Variants in IDE observed in about 807,000 individuals in gnomAD.
IDE encodes insulin-degrading enzyme.
A neutral mutation model predicts 133.2 loss-of-function variants in IDE; 58 were observed. The observed-to-expected ratio is 0.44, with a 90% CI of 0.35 to 0.54. IDE has a LOEUF of 0.54. Among genes scored for constraint, IDE ranks in the 20% least tolerant of loss-of-function variants. The probability of loss-of-function intolerance (pLI) is 0.00; values close to 1 mark genes in which losing one functional copy is unlikely to be tolerated. For synonymous variants in IDE, 396 were observed against 421.3 expected (o/e 0.94, Z 0.73); for missense variants, 981 against 1,234.0 (o/e 0.79, Z 3.07).
At chr10:92,523,193 C>A (rs1447846683) in intron 4 of IDE, among the ~76,000 whole-genome samples, 1 of 151,928 alleles carries the variant, frequency 6.6e-6, no homozygotes, top group South Asian at 2.1e-4. Flanking sequence ...CTAGCCTGGG[C>A]GACATGGTGA....
intron 5 of IDE, among the ~76,000 whole-genome samples, chr10:92,510,524 T>C (rs1848524975): frequency 6.6e-6 from 1 of 152,100 alleles, no homozygotes; most frequent in Non-Finnish European, 1.5e-5. Flanking sequence ...TTATCTTTTG[T>C]GCCTTTAAAT....
chr10:92,513,347 C>A (rs1250581229), intron 5 of IDE, among the ~76,000 whole-genome samples: 1 of 152,182 alleles, frequency 6.6e-6, no homozygotes, highest in African/African-American at 2.4e-5. Context: ...TGCCCGCCAC[C>A]ATGCCCGGTT....
At chr10:92,525,148 G>A (rs1356499176) in intron 4 of IDE, among the ~76,000 whole-genome samples, 1 of 151,914 alleles carries the variant, frequency 6.6e-6, no homozygotes, top group African/African-American at 2.4e-5. Context: ...AGCTACTGGG[G>A]AGGCTGAGGC....
chr10:92,481,667 A>T (rs1846618707), intron 14 of IDE, among the ~76,000 whole-genome samples: 1 of 152,232 alleles, frequency 6.6e-6, no homozygotes, highest in Non-Finnish European at 1.5e-5. Context: ...TTCTGAAAAG[A>T]TGGAAAGGAT....
chr10:92,491,871 A>G (rs1189259831), intron 11 of IDE, among the ~76,000 whole-genome samples: 1 of 152,126 alleles, frequency 6.6e-6, no homozygotes, highest in Non-Finnish European at 1.5e-5. Context: ...TCAGCCTCCC[A>G]AAGTGCTGGG....
Position 92,454,447 on chromosome 10 carries a change from G to A in IDE, c.3057C>T (p.Leu1019=). ...CTTTCCCATGCATGGGGAATCTTCA[G>A]AGTTTTGCAGCCATGAAGTTAATAT... ...KPHINFMAAK[L] Residue 1019 remains leucine, a synonymous_variant, in exon 25 of 25, where the codon CTC becomes CTT. Transcript: ENST00000265986. 6.2e-7 allele frequency: 1 copy of A among 1,606,860 alleles called. No homozygotes were observed. The highest frequency in any genetic ancestry group is 8.5e-7 in the Non-Finnish European group (1 of 1,173,366).
At position 92,490,734 on chromosome 10, in the gene IDE, T is replaced by A. The variant is rs895260110; in HGVS notation, c.1431-139A>T. 5 of 619,630 alleles carry A rather than the reference T, an allele frequency of 8.1e-6. No individual in the cohort carries two copies. The African/African-American group carries it at 9.2e-5, about 11-fold the overall frequency. 38.4% of individuals were successfully genotyped at this position (619,630 alleles called of 1,614,324 possible). On this transcript the variant is annotated intron_variant, in intron 11 of 24. Coordinates refer to ENST00000265986, the MANE Select transcript of IDE (RefSeq NM_004969.4). ...TAAGACCCAGCAAATCCTGTAAGGC[T>A]TAGTCCAAACAAGCAATACATGAAT...
At chr10:92,510,470 T>C (rs1279215939) in intron 5 of IDE, among the ~76,000 whole-genome samples, 2 of 152,142 alleles carry the variant, frequency 1.3e-5, no homozygotes, top group African/African-American at 4.8e-5. Flanking sequence ...GAGTATAATG[T>C]TCACCTTATA....
At chr10:92,471,821 CTT>C (rs1195144782) in intron 17 of IDE, among the ~76,000 whole-genome samples, 1 of 152,124 alleles carries the variant, frequency 6.6e-6, no homozygotes, top group Admixed American at 6.5e-5. Context: ...GCCTTAGCCT[CTT>C]GAGTAGCTAG....
intron 4 of IDE, among the ~76,000 whole-genome samples, chr10:92,518,200 G>C (rs1408852298): frequency 6.6e-6 from 1 of 152,066 alleles, no homozygotes; most frequent in Non-Finnish European, 1.5e-5. Context: ...AGGGAGTTTT[G>C]CTTAAGCTCC....
intron 1 of IDE, among the ~76,000 whole-genome samples, chr10:92,538,029 C>T (rs1220849526): frequency 1.3e-5 from 2 of 151,986 alleles, no homozygotes; most frequent in South Asian, 2.1e-4. Flanking sequence ...CTCAACACCA[C>T]ACCCAGTTAA....
chr10:92,527,085 T>G (rs936257696), intron 4 of IDE, among the ~76,000 whole-genome samples: 5 of 152,158 alleles, frequency 3.3e-5, no homozygotes, highest in African/African-American at 1.2e-4. Context: ...TCTGTGTGTT[T>G]AAGAACATTT....
chr10:92,541,421 G>C (rs983771906), intron 1 of IDE: 15 of 348,976 alleles, frequency 4.3e-5, no homozygotes, highest in Admixed American at 2.7e-4. Flanking sequence ...CAGATCATTA[G>C]CATAAAGCCT....
chr10:92,528,290 G>T (rs1849734314), intron 4 of IDE, among the ~76,000 whole-genome samples: 1 of 152,086 alleles, frequency 6.6e-6, no homozygotes, highest in African/African-American at 2.4e-5. Context: ...CTTTTAATCA[G>T]CTTGAAAGTT....
chr10:92,541,723 A>C (rs970146608), intron 1 of IDE, among the ~76,000 whole-genome samples: 6 of 152,196 alleles, frequency 3.9e-5, no homozygotes, highest in African/African-American at 1.4e-4. Flanking sequence ...CAATGACTAT[A>C]ATCACAGAAG....
intron 14 of IDE, among the ~76,000 whole-genome samples, chr10:92,481,234 C>G (rs1846588639): frequency 6.6e-6 from 1 of 152,184 alleles, no homozygotes; most frequent in African/African-American, 2.4e-5. Flanking sequence ...TTTTGGGTCT[C>G]AAAGCACTAT....
rs866669124 is a variant in IDE at position 92,452,814 on chromosome 10, A to G, written c.*1630T>C. 4 of 152,252 alleles carry G rather than the reference A, an allele frequency of 2.6e-5. No homozygotes were observed. The highest frequency in any genetic ancestry group is 6.5e-5 in the Admixed American group (1 of 15,286). The allele number at this position is 152,252 out of a possible 1,614,324, so 9.4% of individuals were successfully genotyped here. A position where few individuals can be genotyped will look rare whatever the true frequency, so the allele number is the denominator to read the frequency against. ...GAAAAGCTGCATAGTCTACAAATAC[A>G]TAAAACCAGAAGGAAGTGATGATTT... On this transcript the variant is annotated 3_prime_UTR_variant, in exon 25 of 25. Transcript: ENST00000265986.
At chr10:92,559,267 A>G (rs1843164373) in intron 1 of IDE, 1 of 152,224 alleles carries the variant, frequency 6.6e-6, no homozygotes, top group Admixed American at 6.6e-5. Context: ...TTCCGCTCCT[A>G]TGCATATCCC....
At position 92,534,692 on chromosome 10, in the gene IDE, T is replaced by C; in HGVS notation, c.377A>G (p.Glu126Gly). ...LGTKKYPKEN[E>G]YSQFLSEHAG... ...ATGCTCACTGAGAAACTGGCTGTATTCATTTTCTTTAGGGTATTTCTTTGT... is the reference window on the plus strand; with the variant it reads ...ATGCTCACTGAGAAACTGGCTGTATCCATTTTCTTTAGGGTATTTCTTTGT... The change falls in exon 3 of 25, where the codon GAA (glutamate) becomes GGA (glycine). Residue 126 changes from glutamate to glycine, a missense_variant. By Grantham distance (98) the Glu-to-Gly change is moderately conservative. Coordinates refer to ENST00000265986, the MANE Select transcript of IDE (RefSeq NM_004969.4). 2 of 1,613,178 alleles carry C rather than the reference T, an allele frequency of 1.2e-6. No homozygotes were observed. The highest frequency in any genetic ancestry group is 1.7e-6 in the Non-Finnish European group (2 of 1,179,196).
Sources: gnomAD v4.1 joint callset for allele counts (sites outside exome capture counted in the v4.1 genomes callset) on GRCh38, gnomAD v4.1.1 for gene constraint, MANE v1.5 for transcripts, NCBI Gene and HGNC (gene_info 2026-07-23, HGNC 2026-07-21) for gene names.